INVS: variants seen among roughly 807,000 people sequenced by gnomAD.
INVS encodes the protein inversion of embryo turning homolog.
INVS carries 86 observed loss-of-function variants against 108.8 expected under a neutral mutation model. That is an observed-to-expected ratio of 0.79 (90% CI 0.66 to 0.95). The LOEUF (loss-of-function observed/expected upper bound fraction) is 0.95. Among genes scored for constraint, INVS ranks in the 40% least tolerant of loss-of-function variants. INVS has a pLI of 0.00. For missense variants in INVS, 1,169 were observed against 1,297.4 expected (o/e 0.90, Z 1.52); for synonymous variants, 455 against 473.5 (o/e 0.96, Z 0.51).
intron 3 of INVS, among the ~76,000 whole-genome samples, chr9:100,163,204 T>TC (rs1829248083): frequency 6.6e-6 from 1 of 151,288 alleles, no homozygotes; most frequent in Non-Finnish European, 1.5e-5. Flanking sequence ...TTTTTTTTTT[T>TC]TAGCAAATGT....
chr9:100,107,695 G>T (rs145203660), intron 2 of INVS, among the ~76,000 whole-genome samples: 26 of 152,284 alleles, frequency 1.7e-4, no homozygotes, highest in African/African-American at 6.0e-4. Context: ...TCTGTTCATT[G>T]TATTCCCTCT....
chr9:100,145,568 G>T (rs1468161402), intron 3 of INVS, among the ~76,000 whole-genome samples: 1 of 151,942 alleles, frequency 6.6e-6, no homozygotes, highest in East Asian at 1.9e-4. Context: ...AGAAGGGGTT[G>T]GGGGGTTCTT....
intron 10 of INVS, among the ~76,000 whole-genome samples, chr9:100,258,246 A>T (rs912738592): frequency 6.6e-6 from 1 of 152,124 alleles, no homozygotes; most frequent in African/African-American, 2.4e-5. Context: ...CATGGTTTTC[A>T]GCTCCATCAG....
intron 12 of INVS, among the ~76,000 whole-genome samples, chr9:100,275,372 A>G (rs1328566302): frequency 6.6e-6 from 1 of 152,188 alleles, no homozygotes; most frequent in Non-Finnish European, 1.5e-5. Context: ...AGTCATACCT[A>G]CTTGAATATA....
intron 3 of INVS, among the ~76,000 whole-genome samples, chr9:100,176,320 T>C (rs1353558128): frequency 1.3e-5 from 2 of 152,164 alleles, no homozygotes; most frequent in African/African-American, 2.4e-5. Flanking sequence ...GACAACATGA[T>C]AGAAGCTGTC....
intron 3 of INVS, among the ~76,000 whole-genome samples, chr9:100,176,251 CT>C (rs1156818568): frequency 6.6e-6 from 1 of 151,962 alleles, no homozygotes; most frequent in African/African-American, 2.4e-5. Context: ...AGAGAGTTTT[CT>C]TTTTTTCCTA....
At chr9:100,226,010 A>T (rs1831305180) in intron 3 of INVS, 52 bp from the exon 4 acceptor site, 3 of 1,360,736 alleles carry the variant, frequency 2.2e-6, no homozygotes, top group East Asian at 2.4e-5. Context: ...ATTAAAAAAA[A>T]TTTTGACCCC....
At chr9:100,183,370 T>C (rs1829954768) in intron 3 of INVS, among the ~76,000 whole-genome samples, 1 of 152,144 alleles carries the variant, frequency 6.6e-6, no homozygotes, top group African/African-American at 2.4e-5. Context: ...AGTAAAATAA[T>C]CGCTTTAAAA....
intron 3 of INVS, among the ~76,000 whole-genome samples, chr9:100,146,342 A>G (rs1828613411): frequency 1.3e-5 from 2 of 152,108 alleles, no homozygotes; most frequent in Non-Finnish European, 2.9e-5. Flanking sequence ...GGAGCTTTTG[A>G]GCCAGGATGA....
At chr9:100,241,510 G>C (rs1037682653) in intron 6 of INVS, among the ~76,000 whole-genome samples, 23 of 152,042 alleles carry the variant, frequency 1.5e-4, no homozygotes, top group Non-Finnish European at 2.8e-4. Context: ...GAGGATACCA[G>C]TTGCCTGAAA....
At chr9:100,202,298 GA>G (rs1830557255) in intron 3 of INVS, among the ~76,000 whole-genome samples, 1 of 152,052 alleles carries the variant, frequency 6.6e-6, no homozygotes, top group South Asian at 2.1e-4. Context: ...TTCCTGTACT[GA>G]ACCTGCCTAA....
At chr9:100,276,691 T>C (rs946679291) in intron 12 of INVS, among the ~76,000 whole-genome samples, 2 of 152,054 alleles carry the variant, frequency 1.3e-5, no homozygotes, top group Non-Finnish European at 2.9e-5. Context: ...GTATTTTTAG[T>C]AGAGATGGGG....
Position 100,242,561 on chromosome 9 carries a change from T to A in INVS, c.797-9T>A, listed in dbSNP as rs780063530. On this transcript the variant is annotated splice_polypyrimidine_tract_variant and intron_variant, in intron 6 of 16. Coordinates refer to ENST00000262457, the MANE Select transcript of INVS (RefSeq NM_014425.5). Reference sequence around the variant, plus strand: ...TAAGTGATAATTACCTTTTTGTGTCTTTTCTCAGGCCATGCACAGATTGTC... The same window carrying A: ...TAAGTGATAATTACCTTTTTGTGTCATTTCTCAGGCCATGCACAGATTGTC... 3.4e-6 allele frequency: 5 copies of A among 1,456,910 alleles called. No individual in the cohort carries two copies. The highest frequency in any genetic ancestry group is 4.8e-6 in the Non-Finnish European group (5 of 1,037,344). 90.2% of individuals were successfully genotyped at this position (1,456,910 alleles called of 1,614,324 possible). A position where few individuals can be genotyped will look rare whatever the true frequency, so the allele number is the denominator to read the frequency against.
intron 14 of INVS, among the ~76,000 whole-genome samples, chr9:100,293,920 T>C (rs1190529299): frequency 2.6e-5 from 4 of 152,152 alleles, no homozygotes; most frequent in South Asian, 2.1e-4. Flanking sequence ...CCCAGCACTT[T>C]GGGAGGCCGA....
At chr9:100,132,155 T>C (rs1399153487) in intron 3 of INVS, among the ~76,000 whole-genome samples, 1 of 152,178 alleles carries the variant, frequency 6.6e-6, no homozygotes, top group African/African-American at 2.4e-5. Flanking sequence ...CCATGTCTTA[T>C]TTGATTTCAT....
At chr9:100,230,371 T>A (rs1049374002) in intron 5 of INVS, among the ~76,000 whole-genome samples, 2 of 152,202 alleles carry the variant, frequency 1.3e-5, no homozygotes, top group Admixed American at 6.5e-5. Flanking sequence ...CATTACCACA[T>A]TTATTTGTAT....
chr9:100,194,795 G>A (rs139378411), intron 3 of INVS, among the ~76,000 whole-genome samples: 1 of 152,314 alleles, frequency 6.6e-6, no homozygotes, highest in Non-Finnish European at 1.5e-5. Context: ...GAGTATCCAA[G>A]GGAGGAGCAA....
At chr9:100,117,197 TC>T (rs1827559602) in intron 2 of INVS, 2 of 1,038,750 alleles carry the variant, frequency 1.9e-6, no homozygotes, top group Admixed American at 3.8e-5. Context: ...GGTGGCCACT[TC>T]CTTGGAGCAC....
In INVS at chr9:100,296,935, C is replaced by A. The variant is rs1265354401; in HGVS notation, c.2805C>A (p.His935Gln). Residue 935 changes from histidine (H) to glutamine (Q), a missense_variant, in exon 15 of 17, where the codon CAC becomes CAA. His to Gln is a conservative substitution (Grantham distance 24, BLOSUM62 0). This residue lies in a region of INVS where 533 missense variants were observed against 536.0 expected (regional missense o/e 0.99). Transcript: ENST00000262457. ...CAACCAGCTACCAGCTCAGGAAGCA[C>A]CTGTCCCACCTTCGGCATATGAAGC... is the stretch of plus-strand genomic sequence containing the variant. ...RAWRSYQLRK[H>Q]LSHLRHMKQL... 1 of 1,614,078 alleles carries A rather than the reference C, an allele frequency of 6.2e-7. No homozygotes were observed. Among genetic ancestry groups the A allele is most frequent in the Non-Finnish European group, 8.5e-7 (1 of 1,180,004 alleles).
Sources: allele counts gnomAD v4.1 joint callset (sites outside exome capture counted in the v4.1 genomes callset), GRCh38; gene constraint gnomAD v4.1.1; regional missense constraint gnomAD v4.1.1; transcripts MANE v1.5; gene names NCBI Gene and HGNC (gene_info 2026-07-23, HGNC 2026-07-21).